Variants in SCYL2 observed in about 807,000 individuals in gnomAD.
SCYL2 encodes the protein SCY1 like pseudokinase 2.
A neutral mutation model predicts 100.4 loss-of-function variants in SCYL2; 36 were observed. The ratio of observed to expected loss-of-function variants is 0.36; its 90% CI spans 0.27 to 0.47. The LOEUF is 0.47. SCYL2 is among the 20% of genes least tolerant of loss of function. SCYL2 has a pLI of 1.00. For missense variants in SCYL2, 902 were observed against 1,083.9 expected (o/e 0.83, Z 2.36); for synonymous variants, 330 against 359.2 (o/e 0.92, Z 0.92).
At chr12:100,271,564 G>A (rs1350781563) in intron 1 of SCYL2, among the ~76,000 whole-genome samples, 2 of 152,090 alleles carry the variant, frequency 1.3e-5, no homozygotes, top group African/African-American at 4.8e-5. Flanking sequence ...AAACTATTTT[G>A]AGTTTCTTTG....
chr12:100,335,114 T>C (rs536463003), intron 14 of SCYL2, among the ~76,000 whole-genome samples: 2 of 152,190 alleles, frequency 1.3e-5, no homozygotes, highest in East Asian at 3.9e-4. Flanking sequence ...TCTGGAGAAA[T>C]AATTTTTAAA....
At chr12:100,311,958 A>G (rs930524170) in intron 5 of SCYL2, among the ~76,000 whole-genome samples, 7 of 152,204 alleles carry the variant, frequency 4.6e-5, no homozygotes, top group African/African-American at 1.7e-4. Flanking sequence ...TTTTAAGGTA[A>G]TCAGAACTAA....
At chr12:100,274,525 A>G (rs1305614977) in intron 1 of SCYL2, among the ~76,000 whole-genome samples, 1 of 152,198 alleles carries the variant, frequency 6.6e-6, no homozygotes, top group Non-Finnish European at 1.5e-5. Flanking sequence ...GAAAGAAGCA[A>G]GGTACAGCCT....
chr12:100,300,233 C>T (rs1159827427), intron 4 of SCYL2, among the ~76,000 whole-genome samples: 1 of 152,152 alleles, frequency 6.6e-6, no homozygotes, highest in Non-Finnish European at 1.5e-5. Flanking sequence ...TACGTGTGGA[C>T]ACAGTACATA....
At chr12:100,330,746 T>G (rs1369391586) in intron 13 of SCYL2, among the ~76,000 whole-genome samples, 3 of 152,060 alleles carry the variant, frequency 2.0e-5, no homozygotes, top group Admixed American at 2.0e-4. Flanking sequence ...GTAGAGAAAT[T>G]TATAAAACTA....
chr12:100,299,724 G>A (rs2096325329), intron 4 of SCYL2, among the ~76,000 whole-genome samples: 2 of 151,198 alleles, frequency 1.3e-5, no homozygotes, highest in South Asian at 4.2e-4. Flanking sequence ...TAATTGCTGA[G>A]TAGTTTTATG....
chr12:100,322,814 C>T (rs1219017267), intron 10 of SCYL2, among the ~76,000 whole-genome samples: 4 of 148,490 alleles, frequency 2.7e-5, no homozygotes, highest in African/African-American at 1.0e-4. Context: ...GAGCCAAGGT[C>T]ATGTCACTAC....
At chr12:100,326,860 T>A in intron 12 of SCYL2, 106 bp downstream of exon 12, 1 of 870,554 alleles carries the variant, frequency 1.1e-6, no homozygotes, top group Non-Finnish European at 1.7e-6. Flanking sequence ...ATTTCATAAT[T>A]GAAGAATGAT....
intron 4 of SCYL2, 71 bp from the exon 5 acceptor site, chr12:100,310,973 T>C (rs2135898789): frequency 7.4e-7 from 1 of 1,354,276 alleles, no homozygotes; most frequent in Non-Finnish European, 9.7e-7. Flanking sequence ...ATAATTATTA[T>C]TTTTGTGAGA....
chr12:100,314,175 G>A (rs547225530), intron 7 of SCYL2, among the ~76,000 whole-genome samples: 1 of 152,162 alleles, frequency 6.6e-6, no homozygotes, highest in South Asian at 2.1e-4. Flanking sequence ...ACCGTGCCCG[G>A]GCCAACCATG....
At chr12:100,295,394 C>T (rs917135075) in intron 3 of SCYL2, among the ~76,000 whole-genome samples, 3 of 152,246 alleles carry the variant, frequency 2.0e-5, no homozygotes, top group African/African-American at 7.2e-5. Flanking sequence ...CCACTGCACT[C>T]CAGCCGGGGC....
chr12:100,332,164 G>C (rs980963286), intron 13 of SCYL2, among the ~76,000 whole-genome samples: 5 of 152,196 alleles, frequency 3.3e-5, no homozygotes, highest in African/African-American at 1.2e-4. Context: ...GTAATGAATT[G>C]TGGTTATACA....
At chr12:100,322,071 C>G (rs528985679) in intron 10 of SCYL2, among the ~76,000 whole-genome samples, 1 of 143,624 alleles carries the variant, frequency 7.0e-6, no homozygotes, top group African/African-American at 2.6e-5. Flanking sequence ...GAAAAAAAAA[C>G]CCAAGAAAAC....
chr12:100,308,647 A>G (rs1395086204), intron 4 of SCYL2, among the ~76,000 whole-genome samples: 1 of 152,188 alleles, frequency 6.6e-6, no homozygotes, highest in African/African-American at 2.4e-5. Context: ...TAATTAAACA[A>G]CAACAACAAA....
chr12:100,316,430 T>C (rs2096348792), intron 9 of SCYL2, among the ~76,000 whole-genome samples: 1 of 152,242 alleles, frequency 6.6e-6, no homozygotes, highest in Admixed American at 6.5e-5. Context: ...AAAAGGATTG[T>C]TGAGATTAAA....
intron 13 of SCYL2, among the ~76,000 whole-genome samples, chr12:100,331,789 C>T (rs905582827): frequency 2.6e-5 from 4 of 152,164 alleles, no homozygotes; most frequent in Admixed American, 2.0e-4. Flanking sequence ...TCATTTAAGA[C>T]TGCCTTCTTA....
chr12:100,335,546 GAATA>G (rs1952264264), intron 14 of SCYL2, 75 bp from the exon 15 acceptor site: 4 of 1,024,936 alleles, frequency 3.9e-6, no homozygotes, highest in East Asian at 2.4e-5. Context: ...AATTCCATGT[GAATA>G]AATAATTTTT....
At chr12:100,298,450 A>G (rs1328157360) in intron 4 of SCYL2, among the ~76,000 whole-genome samples, 1 of 152,230 alleles carries the variant, frequency 6.6e-6, no homozygotes, top group Non-Finnish European at 1.5e-5. Context: ...CTTAAACTGA[A>G]TACATTTTAT....
chr12:100,299,441 C>A (rs1384887022), intron 4 of SCYL2, among the ~76,000 whole-genome samples: 2 of 152,144 alleles, frequency 1.3e-5, no homozygotes, highest in African/African-American at 4.8e-5. Flanking sequence ...GTGAAACCAT[C>A]ACCACGATCA....
Sources: gnomAD v4.1 joint callset for allele counts (sites outside exome capture counted in the v4.1 genomes callset) on GRCh38, gnomAD v4.1.1 for gene constraint, MANE v1.5 for transcripts, NCBI Gene and HGNC (gene_info 2026-07-23, HGNC 2026-07-21) for gene names.